RPL31: variants seen among roughly 807,000 people sequenced by gnomAD.
The protein encoded by RPL31 is large ribosomal subunit protein eL31.
For missense variants in RPL31, 95 were observed against 164.0 expected, an observed-to-expected ratio of 0.58 and a Z score of 2.30; for synonymous variants, 51 against 55.0, an observed-to-expected ratio of 0.93 and a Z score of 0.32.
chr2:101,013,962 A>G (rs1295125207), intron 4 of RPL31, among the ~76,000 whole-genome samples: 2 of 152,234 alleles, frequency 1.3e-5, no homozygotes, highest in African/African-American at 4.8e-5. Context: ...GCTTGGATTA[A>G]TCAGAAATTC....
downstream of RPL31, among the ~76,000 whole-genome samples, chr2:101,008,686 C>T (rs1228322509): frequency 1.3e-5 from 2 of 152,096 alleles, no homozygotes; most frequent in East Asian, 3.9e-4. Context: ...GTGACCCATG[C>T]CTGCAATCCC....
At chr2:101,011,247 T>C, downstream of RPL31, 1 of 690,152 alleles carries the variant, frequency 1.4e-6, no homozygotes. Context: ...AGGAAGGAAC[T>C]TGGTGGTGGG....
intron 1 of RPL31, 31 bp from the exon 2 acceptor site, chr2:101,002,671 T>G: frequency 6.4e-7 from 1 of 1,560,684 alleles, no homozygotes; most frequent in Non-Finnish European, 8.8e-7. Context: ...TGTTAAACTC[T>G]GCTCTGAGCC....
In RPL31 at chr2:101,006,466, C is replaced by A; in HGVS notation, c.*85C>A. On this transcript the variant is annotated 3_prime_UTR_variant, in exon 5 of 5. Transcript: ENST00000264258. ...GTTGCAACATAATGTACTTGTATAC[C>A]CTATCCTAATTATGGGATCATTTGA... is the stretch of plus-strand genomic sequence containing the variant. 1 of 1,267,096 alleles carries A rather than the reference C, an allele frequency of 7.9e-7. No homozygotes were observed. 78.5% of individuals were successfully genotyped at this position (1,267,096 alleles called of 1,614,324 possible). A position where few individuals can be genotyped will look rare whatever the true frequency, so the allele number is the denominator to read the frequency against.
intron 4 of RPL31, chr2:101,017,960 A>C: frequency 6.5e-7 from 1 of 1,548,484 alleles, no homozygotes; most frequent in Non-Finnish European, 8.7e-7. Context: ...CTTGGTGAAA[A>C]GTCATTATAG....
At chr2:101,015,372 A>G (rs550465499) in intron 4 of RPL31, among the ~76,000 whole-genome samples, 1 of 152,354 alleles carries the variant, frequency 6.6e-6, no homozygotes, top group East Asian at 1.9e-4. Context: ...GCACACTGCC[A>G]TAGACTTTAT....
chr2:101,007,331 A>AAT, downstream of RPL31: 1 of 154,408 alleles, frequency 6.5e-6, no homozygotes, highest in East Asian at 1.9e-4. Flanking sequence ...AATACAACCA[A>AAT]ATATATTAAA....
intron 4 of RPL31, among the ~76,000 whole-genome samples, chr2:101,012,448 C>G (rs554949407): frequency 6.6e-6 from 1 of 152,180 alleles, no homozygotes; most frequent in Admixed American, 6.5e-5. Flanking sequence ...GAACATGATA[C>G]AGCAACTCCA....
downstream of RPL31, chr2:101,011,675 C>T (rs912994367): frequency 5.0e-6 from 4 of 798,648 alleles, no homozygotes; most frequent in African/African-American, 3.4e-5. Context: ...GCAGGGTCCA[C>T]GAACCCAAAT....
chr2:101,017,995 G>A (rs183879714), intron 4 of RPL31: 17 of 1,455,418 alleles, frequency 1.2e-5, no homozygotes, highest in African/African-American at 4.2e-5. Flanking sequence ...TCCAATGCTC[G>A]CAATTCTACT....
downstream of RPL31, chr2:101,010,948 T>G: frequency 6.2e-7 from 1 of 1,612,604 alleles, no homozygotes; most frequent in Non-Finnish European, 8.5e-7. Context: ...TTTGGGCAAT[T>G]CTTTCTCAGT....
rs1381041682 is a variant in RPL31 at position 101,003,958 on chromosome 2, G to A, written c.108-200G>A. ...AAGGGTTGGTTTAGGCTGGTTTTAGGAGGACATACCATCTACAGTAAGTCT... is the reference window on the plus strand; with the variant it reads ...AAGGGTTGGTTTAGGCTGGTTTTAGAAGGACATACCATCTACAGTAAGTCT... On this transcript the variant is annotated intron_variant, in intron 2 of 4. Coordinates refer to ENST00000264258, the MANE Select transcript of RPL31 (RefSeq NM_000993.5). Among the ~76,000 whole-genome samples, 6 of 152,278 alleles carry A rather than the reference G, an allele frequency of 3.9e-5. No individual in the cohort carries two copies. In the South Asian group the frequency reaches 8.3e-4, roughly 21 times the overall value.
intron 4 of RPL31, among the ~76,000 whole-genome samples, chr2:101,015,426 C>G (rs10171847): frequency 0.35 from 52,543 of 151,996 alleles, 9,298 homozygotes; most frequent in Middle Eastern, 0.41. Flanking sequence ...TATTCTTCTT[C>G]ATCTTCAATA....
At chr2:101,008,357 GAA>G (rs963382664), downstream of RPL31, 1 of 1,074,684 alleles carries the variant, frequency 9.3e-7, no homozygotes, top group African/African-American at 1.6e-5. Flanking sequence ...TGAGCTTTGA[GAA>G]AACGACACAG....
chr2:101,015,948 T>C (rs1258474294), intron 4 of RPL31, among the ~76,000 whole-genome samples: 1 of 151,830 alleles, frequency 6.6e-6, no homozygotes, highest in African/African-American at 2.4e-5. Context: ...ACTTAAACGT[T>C]AGACCTAAAA....
chr2:101,008,390 A>G, downstream of RPL31: 2 of 827,762 alleles, frequency 2.4e-6, no homozygotes. Flanking sequence ...GACACAGAAT[A>G]TAAGAAAAGG....
intron 4 of RPL31, among the ~76,000 whole-genome samples, chr2:101,016,574 G>T (rs1318190290): frequency 2.0e-5 from 3 of 152,076 alleles, no homozygotes; most frequent in African/African-American, 7.2e-5. Context: ...CCATTACTGG[G>T]TATACACCCA....
chr2:101,017,640 C>T (rs1185528845), intron 4 of RPL31, among the ~76,000 whole-genome samples: 1 of 152,206 alleles, frequency 6.6e-6, no homozygotes, highest in Non-Finnish European at 1.5e-5. Flanking sequence ...GCAGACCATG[C>T]TGTGCAAAGA....
intron 4 of RPL31, among the ~76,000 whole-genome samples, chr2:101,017,360 C>A (rs1573870165): frequency 6.6e-6 from 1 of 152,128 alleles, no homozygotes; most frequent in South Asian, 2.1e-4. Flanking sequence ...TTATCATTAC[C>A]CAGTATTAGG....
Sources: gnomAD v4.1 joint callset for allele counts (sites outside exome capture counted in the v4.1 genomes callset) on GRCh38, gnomAD v4.1.1 for gene constraint, MANE v1.5 for transcripts, NCBI Gene and HGNC (gene_info 2026-07-23, HGNC 2026-07-21) for gene names.